The following SF3A3 variants were observed in gnomAD, a reference collection of about 807,000 sequenced individuals.
SF3A3 encodes splicing factor 3a subunit 3.
Under a neutral mutation model 85.8 loss-of-function variants are expected in SF3A3, and 9 were observed. The observed-to-expected ratio is 0.10, with a 90% CI of 0.06 to 0.18. The LOEUF is 0.18. Among genes scored for constraint, SF3A3 ranks in the 10% least tolerant of loss-of-function variants. SF3A3 has a pLI of 1.00. For synonymous variants in SF3A3, 195 were observed against 204.4 expected (o/e 0.95, Z 0.39); for missense variants, 306 against 593.3 (o/e 0.52, Z 5.03).
chr1:37,972,156 A>C (rs535654412), intron 12 of SF3A3, among the ~76,000 whole-genome samples: 20 of 152,378 alleles, frequency 1.3e-4, no homozygotes, highest in African/African-American at 4.3e-4. Context: ...AACTTCAGCA[A>C]AGTCTCAGGA....
chr1:37,974,544 T>C (rs1570462532), intron 12 of SF3A3, among the ~76,000 whole-genome samples: 3 of 152,136 alleles, frequency 2.0e-5, no homozygotes, highest in Non-Finnish European at 4.4e-5. Flanking sequence ...CCTTGTGATC[T>C]GCCCGCCTTG....
At chr1:37,964,358 A>G (rs1224070873) in intron 15 of SF3A3, among the ~76,000 whole-genome samples, 1 of 152,180 alleles carries the variant, frequency 6.6e-6, no homozygotes, top group African/African-American at 2.4e-5. Context: ...TAATCCCAGC[A>G]CTTTGGGAAG....
chr1:37,957,294 G>A lies in SF3A3; in HGVS notation c.*892C>T, dbSNP rs1241159808. 1 of 151,686 alleles carries A rather than the reference G, an allele frequency of 6.6e-6. No homozygotes were observed. Among genetic ancestry groups the A allele is most frequent in the Non-Finnish European group, 1.5e-5 (1 of 68,002 alleles). The allele number at this position is 151,686 out of a possible 1,614,324, so 9.4% of individuals were successfully genotyped here. Reference sequence around the variant, plus strand: ...GACAGACCCACCAGTCTCTCATTCTGACCTAGCAAGCTGGTGAAGTCACTG... The same window carrying A: ...GACAGACCCACCAGTCTCTCATTCTAACCTAGCAAGCTGGTGAAGTCACTG... On this transcript the variant is annotated 3_prime_UTR_variant, in exon 17 of 17. Coordinates refer to ENST00000373019, the MANE Select transcript of SF3A3 (RefSeq NM_006802.4).
intron 16 of SF3A3, 68 bp downstream of exon 16, chr1:37,960,052 T>A (rs17531342): frequency 2.3e-6 from 3 of 1,292,094 alleles, no homozygotes; most frequent in South Asian, 1.2e-5. Context: ...TTTCACCTCC[T>A]TTCTACATGG....
At chr1:37,958,715 C>A (rs961383016) in intron 16 of SF3A3, among the ~76,000 whole-genome samples, 1 of 152,060 alleles carries the variant, frequency 6.6e-6, no homozygotes, top group East Asian at 1.9e-4. Context: ...CTGCTTGATT[C>A]TATTTTATAT....
At chr1:37,969,208 G>A in intron 14 of SF3A3, 146 bp downstream of exon 14, 1 of 631,718 alleles carries the variant, frequency 1.6e-6, no homozygotes, top group Non-Finnish European at 2.8e-6. Context: ...AAAGTCAAAT[G>A]CCATGGGCTT....
At chr1:37,988,895 A>ATATT (rs1327185654) in intron 2 of SF3A3, among the ~76,000 whole-genome samples, 1 of 147,354 alleles carries the variant, frequency 6.8e-6, no homozygotes, top group African/African-American at 2.5e-5. Context: ...ATATATATAT[A>ATATT]TTTTTTTTTT....
intron 8 of SF3A3, among the ~76,000 whole-genome samples, chr1:37,979,782 AC>A (rs1315791768): frequency 2.0e-5 from 3 of 152,162 alleles, no homozygotes; most frequent in African/African-American, 7.2e-5. Flanking sequence ...TCTTGAGCCC[AC>A]AAGGTTGAGG....
intron 15 of SF3A3, among the ~76,000 whole-genome samples, chr1:37,965,803 A>C (rs372401262): frequency 1.8e-3 from 236 of 134,726 alleles, no homozygotes; most frequent in African/African-American, 6.1e-3. Context: ...ACTGAGAGTA[A>C]AGTGCCTGTA....
chr1:37,973,148 C>T (rs968541053), intron 12 of SF3A3, among the ~76,000 whole-genome samples: 3 of 151,998 alleles, frequency 2.0e-5, no homozygotes, highest in Admixed American at 6.6e-5. Flanking sequence ...CACTACACTC[C>T]AGCCTGGGCG....
chr1:37,959,849 T>C (rs1388023459), intron 16 of SF3A3, among the ~76,000 whole-genome samples: 1 of 148,512 alleles, frequency 6.7e-6, no homozygotes, highest in Non-Finnish European at 1.5e-5. Context: ...TCTCAGCTAC[T>C]CGAGAGACAG....
At chr1:37,985,945 CAG>C (rs771088653) in intron 4 of SF3A3, among the ~76,000 whole-genome samples, 181 of 129,720 alleles carry the variant, frequency 1.4e-3, no homozygotes, top group Non-Finnish European at 2.2e-3. Flanking sequence ...TTTTTCCTAC[CAG>C]ACTTTTTTTT....
chr1:37,974,113 G>C (rs916347035), intron 12 of SF3A3, among the ~76,000 whole-genome samples: 1 of 151,978 alleles, frequency 6.6e-6, no homozygotes, highest in African/African-American at 2.4e-5. Context: ...GATAGCATTA[G>C]GAGATATACC....
chr1:37,974,314 T>C (rs1046140241), intron 12 of SF3A3, among the ~76,000 whole-genome samples: 2 of 148,100 alleles, frequency 1.4e-5, no homozygotes, highest in African/African-American at 5.0e-5. Flanking sequence ...TTTTTTTTTT[T>C]TTTTTTGAGA....
chr1:37,978,109 A>G (rs2148721449), intron 11 of SF3A3, among the ~76,000 whole-genome samples: 1 of 152,228 alleles, frequency 6.6e-6, no homozygotes, highest in East Asian at 1.9e-4. Flanking sequence ...AGGCCAAGGC[A>G]GGTGGATCAC....
chr1:37,980,681 T>C lies in SF3A3; in HGVS notation c.595A>G (p.Arg199Gly). The C allele has an allele frequency of 1.2e-6, 2 of 1,613,986 alleles. No individual in the cohort carries two copies. The highest frequency in any genetic ancestry group is 1.7e-6 in the Non-Finnish European group (2 of 1,179,920). Residue 199 changes from arginine (R) to glycine (G), a missense_variant, in exon 8 of 17, where the codon AGA becomes GGA. Coordinates refer to ENST00000373019, the MANE Select transcript of SF3A3 (RefSeq NM_006802.4). ...TTCTGATCTTGGAGAGGCTTCACTC[T>C]ATCTGTGTAATCCTGAAGGTACTCA... The part of the protein sequence containing the change: ...LLEYLQDYTD[R>G]VKPLQDQNEL...
intron 15 of SF3A3, among the ~76,000 whole-genome samples, chr1:37,967,729 A>T (rs1462485143): frequency 2.1e-5 from 3 of 141,820 alleles, no homozygotes; most frequent in Non-Finnish European, 4.6e-5. Flanking sequence ...GTGTGGTGGC[A>T]CGTGCCTGTA....
chr1:37,984,601 G>A, intron 5 of SF3A3, 106 bp downstream of exon 5: 1 of 836,776 alleles, frequency 1.2e-6, no homozygotes. Flanking sequence ...GACAAAACCA[G>A]CAAGAAATCC....
chr1:37,961,758 C>CAAAA, intron 15 of SF3A3, among the ~76,000 whole-genome samples: 1 of 1,294 alleles, frequency 7.7e-4, no homozygotes, highest in Non-Finnish European at 2.0e-3. Context: ...AGCAAGACTG[C>CAAAA]CAAAAAAAAA....
Sources: allele counts gnomAD v4.1 joint callset (sites outside exome capture counted in the v4.1 genomes callset), GRCh38; gene constraint gnomAD v4.1.1; transcripts MANE v1.5; gene names NCBI Gene and HGNC (gene_info 2026-07-23, HGNC 2026-07-21).